Variants in ASIC2 observed in about 807,000 individuals in gnomAD.
ASIC2 encodes the protein acid sensing ion channel subunit 2.
In ASIC2, 25 loss-of-function variants were observed where a neutral mutation model predicts 57.3. The observed-to-expected ratio is 0.44, with a 90% CI of 0.32 to 0.61. The LOEUF (loss-of-function observed/expected upper bound fraction) is 0.61, where lower values mean the gene tolerates loss of function less well. Among genes scored for constraint, ASIC2 ranks in the 20% least tolerant of loss-of-function variants. ASIC2 has a pLI of 0.06. For synonymous variants in ASIC2, 319 were observed against 307.5 expected (o/e 1.04, Z -0.39); for missense variants, 641 against 738.1 (o/e 0.87, Z 1.52).
At chr17:33,658,177 C>A (rs1261426803) in intron 1 of ASIC2, among the ~76,000 whole-genome samples, 1 of 152,166 alleles carries the variant, frequency 6.6e-6, no homozygotes, top group African/African-American at 2.4e-5. Flanking sequence ...GTGGCCTGAG[C>A]CCAGAGCACA....
intron 1 of ASIC2, among the ~76,000 whole-genome samples, chr17:33,787,029 G>T (rs761025645): frequency 6.6e-6 from 1 of 152,214 alleles, no homozygotes; most frequent in African/African-American, 2.4e-5. Flanking sequence ...CTGATTTACA[G>T]ATACTCTTCT....
At chr17:33,878,345 A>G (rs1247187563) in intron 1 of ASIC2, among the ~76,000 whole-genome samples, 1 of 152,210 alleles carries the variant, frequency 6.6e-6, no homozygotes, top group Non-Finnish European at 1.5e-5. Flanking sequence ...ATAGCAAACA[A>G]GTTAAAAACC....
chr17:33,682,267 A>G (rs974474062), intron 1 of ASIC2, among the ~76,000 whole-genome samples: 5 of 150,786 alleles, frequency 3.3e-5, no homozygotes, highest in Admixed American at 3.3e-4. Flanking sequence ...GGGTTTCACC[A>G]TGTTAGCCAG....
At chr17:33,552,852 A>G (rs1915793173) in intron 1 of ASIC2, among the ~76,000 whole-genome samples, 1 of 152,202 alleles carries the variant, frequency 6.6e-6, no homozygotes, top group East Asian at 1.9e-4. Context: ...TGCAATGGGC[A>G]TGGCTGTTAA....
Position 33,705,993 on chromosome 17 carries a change from G to A in ASIC2, c.555+449985C>T, listed in dbSNP as rs893965218. ...ATTTCCTGTTGAAGTGCATGTATAC[G>A]TTATATGTGTGCCCACTGACTTTGT... On this transcript the variant is annotated intron_variant, in intron 1 of 9. Coordinates refer to the ASIC2 transcript ENST00000359872. 1.2e-4 allele frequency among the ~76,000 whole-genome samples: 19 copies of A among 152,076 alleles called. No homozygotes were observed. In the East Asian group the frequency reaches 2.1e-3, roughly 17 times the overall value.
At position 33,919,223 on chromosome 17, in the gene ASIC2, G is replaced by C. The variant is rs143766478; in HGVS notation, c.555+236755C>G. On this transcript the variant is annotated intron_variant, in intron 1 of 9. Coordinates refer to the ASIC2 transcript ENST00000359872. ...ATTTGGATCTGGGTGGTCCTGGAAA[G>C]GTGTCTGCCTGGCCTATGATTTTTC... 8.1e-3 allele frequency among the ~76,000 whole-genome samples: 1,231 copies of C among 152,278 alleles called. 12 individuals carry two copies. The highest frequency in any genetic ancestry group is 0.014 in the Non-Finnish European group (963 of 68,022).
At chr17:33,918,577 C>T (rs187776708) in intron 1 of ASIC2, among the ~76,000 whole-genome samples, 7 of 152,200 alleles carry the variant, frequency 4.6e-5, no homozygotes, top group Admixed American at 1.3e-4. Context: ...GAATTATCAA[C>T]CACCACCCTG....
At chr17:33,042,933 G>GT (rs1180610374) in intron 3 of ASIC2, among the ~76,000 whole-genome samples, 1,666 of 145,050 alleles carry the variant, frequency 0.011, 16 homozygotes, top group African/African-American at 0.032. Flanking sequence ...TCCCTGTTTT[G>GT]TTTTTTTTTT....
intron 1 of ASIC2, among the ~76,000 whole-genome samples, chr17:33,186,784 G>A (rs1056371881): frequency 3.9e-5 from 6 of 152,164 alleles, no homozygotes; most frequent in East Asian, 1.9e-4. Flanking sequence ...TTCTATGGTC[G>A]TTTGGCATTT....
chr17:33,240,872 A>ACAAG (rs1908478864), intron 1 of ASIC2, among the ~76,000 whole-genome samples: 2 of 152,114 alleles, frequency 1.3e-5, no homozygotes, highest in Non-Finnish European at 2.9e-5. Context: ...AAACAAACAA[A>ACAAG]CAAAAAAACA....
At chr17:33,424,039 C>G (rs1157030898) in intron 1 of ASIC2, among the ~76,000 whole-genome samples, 1 of 152,220 alleles carries the variant, frequency 6.6e-6, no homozygotes, top group Non-Finnish European at 1.5e-5. Context: ...GGTTCTGCCA[C>G]TCCCCTTCTA....
intron 1 of ASIC2, among the ~76,000 whole-genome samples, chr17:33,469,007 GGA>G (rs1320168549): frequency 6.6e-6 from 1 of 152,212 alleles, no homozygotes; most frequent in East Asian, 1.9e-4. Flanking sequence ...AGAGCCTGGC[GGA>G]GGCCTGGGCC....
At chr17:33,899,130 G>GA (rs35843628) in intron 1 of ASIC2, among the ~76,000 whole-genome samples, 95,285 of 140,648 alleles carry the variant, frequency 0.68, 31,747 homozygotes, top group Non-Finnish European at 0.69. Flanking sequence ...TCCATCTCAG[G>GA]AAAAAAAAAA....
intron 3 of ASIC2, among the ~76,000 whole-genome samples, chr17:33,034,614 G>A (rs368376037): frequency 6.6e-6 from 1 of 152,300 alleles, no homozygotes; most frequent in African/African-American, 2.4e-5. Context: ...AGGTTGATAA[G>A]TGTTTTCTTC....
At position 33,144,834 on chromosome 17, in the gene ASIC2, A is replaced by G. The variant is rs1284834432; in HGVS notation, c.709-32767T>C. 3.9e-5 allele frequency among the ~76,000 whole-genome samples: 6 copies of G among 152,290 alleles called. No individual in the cohort carries two copies. The East Asian group carries it at 1.2e-3, about 29-fold the overall frequency. On this transcript the variant is annotated intron_variant, in intron 1 of 9. Transcript: ENST00000225823. Reference sequence around the variant, plus strand: ...TGTACCTAGACCCCTACCCTTCCAGAAAACTCACTCTCCTGAAGATACTAT... The same window carrying G: ...TGTACCTAGACCCCTACCCTTCCAGGAAACTCACTCTCCTGAAGATACTAT...
At chr17:33,887,206 C>T (rs1165223082) in intron 1 of ASIC2, among the ~76,000 whole-genome samples, 1 of 152,176 alleles carries the variant, frequency 6.6e-6, no homozygotes. Flanking sequence ...ATTCACTCTA[C>T]ATTAATTAAG....
At chr17:33,417,919 T>G (rs995126219) in intron 1 of ASIC2, among the ~76,000 whole-genome samples, 1 of 152,156 alleles carries the variant, frequency 6.6e-6, no homozygotes, top group Non-Finnish European at 1.5e-5. Context: ...GACTAGGCTT[T>G]CTCTGTTCTA....
chr17:33,809,317 G>C (rs1026517730), intron 1 of ASIC2, among the ~76,000 whole-genome samples: 6 of 152,176 alleles, frequency 3.9e-5, no homozygotes, highest in Non-Finnish European at 8.8e-5. Flanking sequence ...TTTAGAGCTG[G>C]GTTAACTGAG....
At chr17:33,588,246 C>T (rs1473729948) in intron 1 of ASIC2, among the ~76,000 whole-genome samples, 1 of 152,180 alleles carries the variant, frequency 6.6e-6, no homozygotes, top group African/African-American at 2.4e-5. Flanking sequence ...TTGAGAGGAG[C>T]AGGGAGAATG....
Sources: gnomAD v4.1 joint callset for allele counts (sites outside exome capture counted in the v4.1 genomes callset) on GRCh38, gnomAD v4.1.1 for gene constraint, MANE v1.5 for transcripts, NCBI Gene and HGNC (gene_info 2026-07-23, HGNC 2026-07-21) for gene names.